USP34: variants seen among roughly 807,000 people sequenced by gnomAD.
USP34 encodes ubiquitin specific peptidase 34, also known as ubiquitin carboxyl-terminal hydrolase 34.
USP34 carries 70 observed loss-of-function variants against 460.3 expected under a neutral mutation model. That is an observed-to-expected ratio of 0.15 (90% CI 0.13 to 0.19). The LOEUF is 0.19. Among genes scored for constraint, USP34 ranks in the 10% least tolerant of loss-of-function variants. The pLI is 1.00. For missense variants in USP34, 3,985 were observed against 4,236.2 expected, an observed-to-expected ratio of 0.94 and a Z score of 1.65; for synonymous variants, 1,647 against 1,405.3, an observed-to-expected ratio of 1.17 and a Z score of -3.85.
chr2:61,300,985 G>A lies in USP34; in HGVS notation c.4094C>T (p.Pro1365Leu), dbSNP rs1273084903. Residue 1365 changes from proline (P) to leucine (L), a missense_variant, in exon 29 of 80, where the codon CCA (proline) becomes CTA (leucine). Pro to Leu is a moderately conservative substitution (Grantham distance 98, BLOSUM62 -3). Transcript: ENST00000398571. ...ATCCACTGCCACTTTTCCTGAGGGT[G>A]GTTTAAATGATGCAAGCATCTCTAA... The part of the protein sequence containing the change: ...DLLEMLASFK[P>L]PSGKVAVDDS... 1 of 1,613,184 alleles carries A rather than the reference G, an allele frequency of 6.2e-7. No homozygotes were observed. Among genetic ancestry groups the A allele is most frequent in the South Asian group, 1.1e-5 (1 of 90,802 alleles).
chr2:61,221,769 A>G, intron 65 of USP34, 163 bp from the exon 66 acceptor site: 1 of 535,452 alleles, frequency 1.9e-6, no homozygotes, highest in Non-Finnish European at 3.1e-6. Flanking sequence ...ATAAAGCAGC[A>G]GGATCAGCGA....
chr2:61,270,360 TTTGATC>T (rs1485211697), intron 41 of USP34, among the ~76,000 whole-genome samples: 2 of 152,246 alleles, frequency 1.3e-5, no homozygotes, highest in African/African-American at 4.8e-5. Flanking sequence ...CTGCCAGAGT[TTTGATC>T]TTGTACTACT....
Position 61,343,966 on chromosome 2 carries a change from T to A in USP34, c.2349A>T (p.Ala783=). 2 of 1,613,964 alleles carry A rather than the reference T, an allele frequency of 1.2e-6. No homozygotes were observed. Among genetic ancestry groups the A allele is most frequent in the South Asian group, 1.1e-5 (1 of 91,076 alleles). ...DVSCSSSQVS[A]KSEKNMADFD... is the part of the protein sequence containing the mutation. ...AATCAGCCATATTTTTTTCTGATTTTGCACTAACCTGGGAGCTACTACAAC... is the reference window on the plus strand; with the variant it reads ...AATCAGCCATATTTTTTTCTGATTTAGCACTAACCTGGGAGCTACTACAAC... The change falls in exon 16 of 80, where the codon GCA becomes GCT. Residue 783 remains alanine (A), a synonymous_variant. Transcript: ENST00000398571.
intron 5 of USP34, among the ~76,000 whole-genome samples, chr2:61,386,220 T>C (rs917049165): frequency 1.3e-5 from 2 of 152,106 alleles, no homozygotes; most frequent in Non-Finnish European, 2.9e-5. Context: ...CCAATACTTT[T>C]GGAGGCCAAG....
intron 10 of USP34, among the ~76,000 whole-genome samples, chr2:61,367,517 G>T (rs1692477629): frequency 6.6e-6 from 1 of 152,146 alleles, no homozygotes; most frequent in South Asian, 2.1e-4. Context: ...GGAAGTCAAA[G>T]AAAATACATT....
intron 1 of USP34, among the ~76,000 whole-genome samples, chr2:61,438,426 A>G (rs1266710754): frequency 6.6e-6 from 1 of 152,164 alleles, no homozygotes; most frequent in African/African-American, 2.4e-5. Flanking sequence ...CAGCCTGGCC[A>G]ACATGGTGAA....
At position 61,459,293 on chromosome 2, in the gene USP34, T is replaced by C. The variant is rs150110900; in HGVS notation, c.43+11357A>G. 2.0e-5 allele frequency among the ~76,000 whole-genome samples: 3 copies of C among 152,300 alleles called. No individual in the cohort carries two copies. The East Asian group carries it at 5.8e-4, about 29-fold the overall frequency. On this transcript the variant is annotated intron_variant, in intron 1 of 79. Coordinates refer to ENST00000398571, the MANE Select transcript of USP34 (RefSeq NM_014709.4). Reference sequence around the variant, plus strand: ...CTGCTACTTCTTTGCTGTGTGACCTTAGACAAATCTTTCTATTTCTCATGA... The same window carrying C: ...CTGCTACTTCTTTGCTGTGTGACCTCAGACAAATCTTTCTATTTCTCATGA...
At chr2:61,287,501 G>C (rs947266892) in intron 34 of USP34, among the ~76,000 whole-genome samples, 2 of 152,090 alleles carry the variant, frequency 1.3e-5, no homozygotes, top group Non-Finnish European at 1.5e-5. Flanking sequence ...CTTGTATCTG[G>C]GTTTTCTCCC....
At chr2:61,246,040 A>C (rs527878243) in intron 50 of USP34, among the ~76,000 whole-genome samples, 1 of 152,346 alleles carries the variant, frequency 6.6e-6, no homozygotes, top group South Asian at 2.1e-4. Context: ...ACAGCTCTTG[A>C]ATGAATAGAG....
chr2:61,371,433 T>C (rs1292384345), intron 8 of USP34, among the ~76,000 whole-genome samples: 3 of 129,990 alleles, frequency 2.3e-5, no homozygotes, highest in African/African-American at 8.3e-5. Context: ...CCATGTGTAT[T>C]ATTAAAAAGT....
intron 10 of USP34, among the ~76,000 whole-genome samples, chr2:61,359,504 G>C (rs1353285622): frequency 6.6e-6 from 1 of 152,114 alleles, no homozygotes; most frequent in Admixed American, 6.5e-5. Context: ...AAAAGATAAG[G>C]ATTGTAATCT....
At chr2:61,329,190 T>C (rs1691186554) in intron 20 of USP34, among the ~76,000 whole-genome samples, 1 of 152,070 alleles carries the variant, frequency 6.6e-6, no homozygotes, top group Admixed American at 6.6e-5. Context: ...CCTGCCTTTT[T>C]TTTTTTTGTA....
At chr2:61,288,289 T>C (rs1188569638) in intron 34 of USP34, among the ~76,000 whole-genome samples, 1 of 152,214 alleles carries the variant, frequency 6.6e-6, no homozygotes, top group Non-Finnish European at 1.5e-5. Context: ...TGGCTCCTTA[T>C]CTGGCTTACC....
Position 61,190,363 on chromosome 2 carries a change from G to C in USP34, c.9781C>G (p.Leu3261Val), listed in dbSNP as rs372743974. The C allele has an allele frequency of 1.9e-6, 3 of 1,613,606 alleles. No homozygotes were observed. Among genetic ancestry groups the C allele is most frequent in the South Asian group, 1.1e-5 (1 of 90,868 alleles). ...EANCANLIST[L>V]ITNLISQYQN... Reference sequence around the variant, plus strand: ...TACTGGCTTATCAAGTTTGTAATAAGAGTGCTGATCAAATTGGCACAGTTT... The same window carrying C: ...TACTGGCTTATCAAGTTTGTAATAACAGTGCTGATCAAATTGGCACAGTTT... Residue 3261 changes from leucine (L) to valine (V), a missense_variant, in exon 78 of 80, where the codon CTT (leucine) becomes GTT (valine). Transcript: ENST00000398571.
At chr2:61,309,559 C>T (rs926320079) in intron 27 of USP34, among the ~76,000 whole-genome samples, 3 of 152,092 alleles carry the variant, frequency 2.0e-5, no homozygotes, top group African/African-American at 7.2e-5. Context: ...GAATGGACGA[C>T]GAATCTGGCC....
In USP34 at chr2:61,190,676, TGGTTGAGCACTTAC is replaced by T. The variant is rs769528342; in HGVS notation, c.9589-32_9589-19del. The T allele has an allele frequency of 2.8e-5, 45 of 1,609,310 alleles. No individual in the cohort carries two copies. Among genetic ancestry groups the T allele is most frequent in the Middle Eastern group, 1.7e-4 (1 of 5,812 alleles). On this transcript the variant is annotated intron_variant, in intron 76 of 79. Transcript: ENST00000398571. ...ATAGCAGACTAAAGTGGGGAGAAGA[TGGTTGAGCACTTAC>T]GGTTGAGCACGGAAAAAACTTACAC...
chr2:61,387,542 T>C (rs1693187917), intron 5 of USP34, among the ~76,000 whole-genome samples: 1 of 147,158 alleles, frequency 6.8e-6, no homozygotes, highest in South Asian at 2.1e-4. Context: ...TACACACATA[T>C]ATAAAATATA....
At chr2:61,380,406 A>G (rs773110942) in intron 6 of USP34, 45 bp from the exon 7 acceptor site, 9 of 1,557,622 alleles carry the variant, frequency 5.8e-6, no homozygotes, top group Non-Finnish European at 7.0e-6. Flanking sequence ...TTCATAAAGC[A>G]TTTTTAAAGA....
rs772305558 is a variant in USP34 at position 61,470,713 on chromosome 2, CCT to C, written c.-23_-22del. On this transcript the variant is annotated 5_prime_UTR_variant, in exon 1 of 80. Coordinates refer to ENST00000398571, the MANE Select transcript of USP34 (RefSeq NM_014709.4). The stretch of plus-strand genomic sequence containing the variant: ...CACATCGTTCGGCCGCCGCCCCCCC[CCT>C]CCCCCGCTTCGGATCACACTGACTG... 8.8e-6 allele frequency: 14 copies of C among 1,588,314 alleles called. No individual in the cohort carries two copies. The highest frequency in any genetic ancestry group is 1.7e-5 in the Admixed American group (1 of 58,430).
Sources: allele counts gnomAD v4.1 joint callset (sites outside exome capture counted in the v4.1 genomes callset), GRCh38; gene constraint gnomAD v4.1.1; transcripts MANE v1.5; gene names NCBI Gene and HGNC (gene_info 2026-07-23, HGNC 2026-07-21).